Variants in DYSF observed in about 807,000 individuals in gnomAD.
DYSF encodes dystrophy-associated fer-1-like 1.
In DYSF, 212 loss-of-function variants were observed where a neutral mutation model predicts 274.9. The ratio of observed to expected loss-of-function variants is 0.77; its 90% CI spans 0.69 to 0.86. The LOEUF (loss-of-function observed/expected upper bound fraction) is 0.86. Among genes scored for constraint, DYSF ranks in the 40% least tolerant of loss-of-function variants. The pLI is 0.00. For missense variants in DYSF, 2,666 were observed against 2,783.2 expected, an observed-to-expected ratio of 0.96 and a Z score of 0.95; for synonymous variants, 1,091 against 1,078.7, an observed-to-expected ratio of 1.01 and a Z score of -0.22.
At chr2:71,661,130 A>G (rs1338440042) in intron 45 of DYSF, among the ~76,000 whole-genome samples, 3 of 151,416 alleles carry the variant, frequency 2.0e-5, no homozygotes, top group Middle Eastern at 3.2e-3. Flanking sequence ...AAAAAAAAAA[A>G]AAAAAAAGAA....
At chr2:71,652,966 A>C (rs1020407657) in intron 42 of DYSF, among the ~76,000 whole-genome samples, 1 of 152,360 alleles carries the variant, frequency 6.6e-6, no homozygotes, top group Non-Finnish European at 1.5e-5. Context: ...CTGGGTACCA[A>C]ATTGAATTGA....
At chr2:71,586,472 C>A (rs569436744) in intron 30 of DYSF, among the ~76,000 whole-genome samples, 8 of 152,004 alleles carry the variant, frequency 5.3e-5, no homozygotes, top group East Asian at 1.9e-4. Flanking sequence ...GTTTTGGAAC[C>A]CAGGCAGTAT....
intron 41 of DYSF, among the ~76,000 whole-genome samples, chr2:71,635,584 C>T (rs1354817391): frequency 2.0e-5 from 3 of 151,880 alleles, no homozygotes; most frequent in African/African-American, 4.8e-5. Flanking sequence ...CCCATCTCTA[C>T]TAAAAATAAC....
At chr2:71,646,966 A>G (rs1192555043) in intron 42 of DYSF, among the ~76,000 whole-genome samples, 1 of 152,126 alleles carries the variant, frequency 6.6e-6, no homozygotes, top group African/African-American at 2.4e-5. Context: ...CAAAATAGAG[A>G]GTTTTATATA....
At chr2:71,614,159 C>T (rs1381577655) in intron 40 of DYSF, among the ~76,000 whole-genome samples, 3 of 152,174 alleles carry the variant, frequency 2.0e-5, no homozygotes, top group African/African-American at 7.2e-5. Flanking sequence ...CCCATCTGGT[C>T]CTTCCCACAG....
chr2:71,592,147 AG>A lies in DYSF; in HGVS notation c.3574+1866del, dbSNP rs951354109. 3.8e-3 allele frequency among the ~76,000 whole-genome samples: 567 copies of A among 149,068 alleles called. 5 individuals are homozygous for A. Among genetic ancestry groups the A allele is most frequent in the African/African-American group, 0.013 (536 of 40,674 alleles). ...GCGGGTTTGTGAGAGGGGGATGGCC[AG>A]GGGGGGCCCAGGCAGAAGCCCCCTT... On this transcript the variant is annotated intron_variant, in intron 32 of 55. Coordinates refer to ENST00000410020, the MANE Select transcript of DYSF (RefSeq NM_001130987.2).
intron 42 of DYSF, among the ~76,000 whole-genome samples, chr2:71,647,446 T>C (rs2094584245): frequency 6.6e-6 from 1 of 152,186 alleles, no homozygotes; most frequent in Non-Finnish European, 1.5e-5. Context: ...CGCTTAGAAA[T>C]TTAAAAAATA....
chr2:71,502,282 G>A (rs557504243), intron 3 of DYSF, among the ~76,000 whole-genome samples: 14 of 152,232 alleles, frequency 9.2e-5, no homozygotes, highest in African/African-American at 3.1e-4. Context: ...GATGAGCCCA[G>A]ATGACAGGTG....
chr2:71,586,654 C>G (rs935512640), intron 30 of DYSF, among the ~76,000 whole-genome samples: 1 of 152,138 alleles, frequency 6.6e-6, no homozygotes, highest in Non-Finnish European at 1.5e-5. Flanking sequence ...GCCAGAACCT[C>G]AGACAGAGGC....
At chr2:71,619,581 T>C (rs2094042177) in intron 40 of DYSF, among the ~76,000 whole-genome samples, 1 of 152,050 alleles carries the variant, frequency 6.6e-6, no homozygotes, top group Admixed American at 6.5e-5. Context: ...AGCCCCCTGC[T>C]CAAGGCTTAG....
In DYSF at chr2:71,559,197, C is replaced by T. The variant is rs114868299; in HGVS notation, c.2217-2555C>T. Among the ~76,000 whole-genome samples, 312 of 152,296 alleles carry T rather than the reference C, an allele frequency of 2.0e-3. 1 individual carries two copies. Among genetic ancestry groups the T allele is most frequent in the African/African-American group, 7.2e-3 (300 of 41,562 alleles). On this transcript the variant is annotated intron_variant, in intron 22 of 55. Transcript: ENST00000410020. ...ATGAACCCAAGGTGCTGGACATGTC[C>T]ACGTGGATGTCCCACCAGCACCTCC...
At chr2:71,496,194 T>C (rs1424235073) in intron 3 of DYSF, among the ~76,000 whole-genome samples, 2 of 152,128 alleles carry the variant, frequency 1.3e-5, no homozygotes. Flanking sequence ...TAAAAGCTTT[T>C]TAAAATGGCC....
intron 51 of DYSF, among the ~76,000 whole-genome samples, chr2:71,670,524 G>A (rs2095100978): frequency 6.6e-6 from 1 of 152,152 alleles, no homozygotes; most frequent in Non-Finnish European, 1.5e-5. Flanking sequence ...TGCCTGCAAG[G>A]CCCACAGCCA....
chr2:71,462,021 G>A (rs2081302544), upstream of DYSF, among the ~76,000 whole-genome samples: 7 of 152,202 alleles, frequency 4.6e-5, no homozygotes. Flanking sequence ...TCCTAAGGGT[G>A]TTGCTTTTTC....
rs117969552 is a variant in DYSF at position 71,472,701 on chromosome 2, A to C, written c.91+5768A>C. On this transcript the variant is annotated intron_variant, in intron 1 of 55. Transcript: ENST00000410020. ...GATTACAGGCGTGAGCCACCGCGCC[A>C]AGCCAACACTTTCTTAAGGTTCAAA... 1.6e-3 allele frequency among the ~76,000 whole-genome samples: 245 copies of C among 152,312 alleles called. 8 individuals carry two copies. The East Asian group carries it at 0.038, about 24-fold the overall frequency.
intron 1 of DYSF, among the ~76,000 whole-genome samples, chr2:71,477,075 C>T (rs910004086): frequency 6.6e-6 from 1 of 151,992 alleles, no homozygotes; most frequent in Non-Finnish European, 1.5e-5. Context: ...GTTACTCCCC[C>T]AAAACTCTGG....
intron 22 of DYSF, among the ~76,000 whole-genome samples, chr2:71,558,878 G>A (rs2091522212): frequency 6.6e-6 from 1 of 152,130 alleles, no homozygotes; most frequent in Non-Finnish European, 1.5e-5. Context: ...GCCACTGAGT[G>A]GCCCAGCACC....
intron 1 of DYSF, among the ~76,000 whole-genome samples, chr2:71,460,048 T>C (rs1189521703): frequency 6.6e-6 from 1 of 152,154 alleles, no homozygotes; most frequent in East Asian, 1.9e-4. Context: ...TCAGGTGGGA[T>C]GCAGATCTAG....
chr2:71,567,474 G>A (rs1176862731), intron 24 of DYSF, among the ~76,000 whole-genome samples: 6 of 152,316 alleles, frequency 3.9e-5, no homozygotes, highest in South Asian at 2.1e-4. Flanking sequence ...TAAATGAAAC[G>A]AAAACTTTAT....
Sources: allele counts gnomAD v4.1 joint callset (sites outside exome capture counted in the v4.1 genomes callset), GRCh38; gene constraint gnomAD v4.1.1; transcripts MANE v1.5; gene names NCBI Gene and HGNC (gene_info 2026-07-23, HGNC 2026-07-21).